DNAH7: variants seen among roughly 807,000 people sequenced by gnomAD.
DNAH7 encodes dynein axonemal heavy chain 7.
Under a neutral mutation model 444.6 loss-of-function variants are expected in DNAH7, and 397 were observed. The observed-to-expected ratio is 0.89, with a 90% CI of 0.82 to 0.97. DNAH7 has a LOEUF of 0.97. Among genes scored for constraint, DNAH7 ranks in the 50% least tolerant of loss-of-function variants. The pLI, the probability that DNAH7 is intolerant of heterozygous loss-of-function variation, is 0.00. For missense variants in DNAH7, 4,902 were observed against 4,800.8 expected (o/e 1.02, Z -0.62); for synonymous variants, 1,636 against 1,624.4 (o/e 1.01, Z -0.17).
chr2:196,001,910 T>A (rs368968450), intron 10 of DNAH7, 52 bp from the exon 11 acceptor site: 2 of 1,439,180 alleles, frequency 1.4e-6, no homozygotes, highest in African/African-American at 2.8e-5. Context: ...GAATTACTCC[T>A]TTTATATTAA....
At chr2:195,755,230 T>C (rs945320221) in intron 62 of DNAH7, among the ~76,000 whole-genome samples, 6 of 152,222 alleles carry the variant, frequency 3.9e-5, no homozygotes, top group South Asian at 4.1e-4. Flanking sequence ...GCTTTGGAAG[T>C]TTTTCTTCCT....
intron 63 of DNAH7, among the ~76,000 whole-genome samples, chr2:195,742,928 G>A (rs1208355908): frequency 3.3e-5 from 5 of 152,218 alleles, no homozygotes; most frequent in Non-Finnish European, 7.3e-5. Context: ...GTCTAAGAGG[G>A]TGTTGCCAAA....
chr2:195,901,525 T>C (rs905237735), intron 27 of DNAH7: 11 of 152,120 alleles, frequency 7.2e-5, no homozygotes, highest in Non-Finnish European at 4.4e-5. Context: ...ATATTCTTCA[T>C]GGGAAGCAAC....
intron 19 of DNAH7, among the ~76,000 whole-genome samples, chr2:195,953,326 C>A (rs1421917504): frequency 6.6e-6 from 1 of 152,268 alleles, no homozygotes; most frequent in East Asian, 1.9e-4. Flanking sequence ...CAGAGGGGCA[C>A]CCGCCAGATG....
chr2:195,991,360 C>T (rs1467856986), intron 12 of DNAH7, among the ~76,000 whole-genome samples: 1 of 152,066 alleles, frequency 6.6e-6, no homozygotes, highest in Non-Finnish European at 1.5e-5. Context: ...GATAAGTTGT[C>T]ATGCACACAG....
intron 10 of DNAH7, among the ~76,000 whole-genome samples, chr2:196,002,451 A>G (rs1694096679): frequency 6.6e-6 from 1 of 152,212 alleles, no homozygotes; most frequent in Non-Finnish European, 1.5e-5. Context: ...ATTACAGTGT[A>G]ATTTCATATA....
chr2:195,998,855 G>T, intron 12 of DNAH7: 1 of 402,956 alleles, frequency 2.5e-6, no homozygotes. Flanking sequence ...TAATAAAGCT[G>T]ACTTTATCTT....
intron 61 of DNAH7, among the ~76,000 whole-genome samples, chr2:195,757,815 A>C (rs1396057671): frequency 6.6e-6 from 1 of 152,236 alleles, no homozygotes; most frequent in Non-Finnish European, 1.5e-5. Flanking sequence ...CATACTTCTG[A>C]AAGTGGGGCG....
intron 5 of DNAH7, among the ~76,000 whole-genome samples, chr2:196,032,773 C>T (rs569900117): frequency 1.1e-4 from 17 of 152,116 alleles, no homozygotes; most frequent in Non-Finnish European, 2.4e-4. Context: ...TTTTATGAGG[C>T]CATTAGTGGC....
intron 19 of DNAH7, among the ~76,000 whole-genome samples, chr2:195,945,066 C>G (rs1689711637): frequency 1.3e-5 from 2 of 151,710 alleles, no homozygotes; most frequent in South Asian, 4.2e-4. Flanking sequence ...TAGATCTTCA[C>G]TACTCTAAAA....
intron 19 of DNAH7, among the ~76,000 whole-genome samples, chr2:195,945,855 C>T (rs1689765389): frequency 6.6e-6 from 1 of 152,110 alleles, no homozygotes; most frequent in African/African-American, 2.4e-5. Flanking sequence ...GAGTCAAAAA[C>T]CAAGTTTGGG....
chr2:195,810,142 TTAGATTAA>T (rs1696896063), intron 51 of DNAH7, among the ~76,000 whole-genome samples: 3 of 152,114 alleles, frequency 2.0e-5, no homozygotes, highest in Non-Finnish European at 4.4e-5. Context: ...TATTAATCTG[TTAGATTAA>T]AAAGTTTACA....
rs1047540285 is a variant in DNAH7, at chr2:195,896,958, T to C, written c.4647+709A>G. On this transcript the variant is annotated intron_variant, in intron 29 of 64. Transcript: ENST00000312428. The stretch of plus-strand genomic sequence containing the variant: ...CAGTGCTAGGAAAACTGGATAACTA[T>C]ATGCAGAAGAATGAAACTAGATTCC... Among the ~76,000 whole-genome samples, 4 of 152,132 alleles carry C rather than the reference T, an allele frequency of 2.6e-5. No individual in the cohort carries two copies. The South Asian group carries it at 6.2e-4, about 24-fold the overall frequency.
chr2:195,955,350 T>C (rs940135527), intron 19 of DNAH7, among the ~76,000 whole-genome samples: 1 of 152,238 alleles, frequency 6.6e-6, no homozygotes, highest in African/African-American at 2.4e-5. Flanking sequence ...TGTGGTATTA[T>C]TTCTGAGGGC....
In DNAH7 at chr2:195,972,380, G is replaced by A. The variant is rs142589377; in HGVS notation, c.1920C>T (p.Ile640=). The change falls in exon 16 of 65, where the codon ATC becomes ATT. Residue 640 remains isoleucine, a synonymous_variant. Coordinates refer to ENST00000312428, the MANE Select transcript of DNAH7 (RefSeq NM_018897.3). ...CTGCTGGAGAAAAGTTGACATACTC[G>A]ATGAGGAAGGCGAGGCAGTTTTTGG... ...VDSKNCLAFL[I]EYVNFSPADM... 2.4e-4 allele frequency: 385 copies of A among 1,613,984 alleles called. 3 individuals carry two copies. In the East Asian group the frequency reaches 5.0e-3, roughly 21 times the overall value.
At chr2:195,740,650 TAC>T (rs566613840) in intron 64 of DNAH7, 114 bp downstream of exon 64, 109 of 72,480 alleles carry the variant, frequency 1.5e-3, no homozygotes, top group South Asian at 3.2e-3. Context: ...TATATACATA[TAC>T]ACACACACAT....
chr2:195,909,133 TATG>T (rs1687209712), intron 25 of DNAH7, among the ~76,000 whole-genome samples: 2 of 152,168 alleles, frequency 1.3e-5, no homozygotes, highest in Admixed American at 6.5e-5. Flanking sequence ...TATTGGCTAT[TATG>T]ATGATTATCT....
chr2:195,762,103 A>G (rs1169730292), intron 61 of DNAH7, among the ~76,000 whole-genome samples: 1 of 152,110 alleles, frequency 6.6e-6, no homozygotes, highest in African/African-American at 2.4e-5. Flanking sequence ...GGATGAAGGT[A>G]AAGTGTAGAG....
chr2:195,794,235 C>G, intron 57 of DNAH7, 103 bp downstream of exon 57: 2 of 988,094 alleles, frequency 2.0e-6, no homozygotes, highest in Non-Finnish European at 3.2e-6. Flanking sequence ...GTGCAGGAGG[C>G]CTATTTAATT....
Sources: allele counts gnomAD v4.1 joint callset (sites outside exome capture counted in the v4.1 genomes callset), GRCh38; gene constraint gnomAD v4.1.1; transcripts MANE v1.5; gene names NCBI Gene and HGNC (gene_info 2026-07-23, HGNC 2026-07-21).